Variants in ANKRD30B observed in about 807,000 individuals in gnomAD.
The protein encoded by ANKRD30B is ankyrin repeat domain-containing protein 30B.
A neutral mutation model predicts 202.2 loss-of-function variants in ANKRD30B; 144 were observed. The ratio of observed to expected loss-of-function variants is 0.71; its 90% CI spans 0.62 to 0.82. The LOEUF (loss-of-function observed/expected upper bound fraction) is 0.82. Among genes scored for constraint, ANKRD30B ranks in the 40% least tolerant of loss-of-function variants. The pLI, the probability that ANKRD30B is intolerant of heterozygous loss-of-function variation, is 0.00. For missense variants in ANKRD30B, 1,487 were observed against 1,669.1 expected (o/e 0.89, Z 1.90); for synonymous variants, 508 against 561.3 (o/e 0.91, Z 1.34).
the ANKRD30B span, among the ~76,000 whole-genome samples, chr18:14,860,412 C>T: frequency 3.1e-4 from 33 of 107,376 alleles, no homozygotes; most frequent in South Asian, 6.8e-4. Flanking sequence ...CGCTCCTCAC[C>T]TCCCAGATGG....
chr18:14,751,370 A>G (rs1209868654), intron 1 of ANKRD30B, among the ~76,000 whole-genome samples: 3 of 152,106 alleles, frequency 2.0e-5, no homozygotes, highest in Non-Finnish European at 4.4e-5. Context: ...GATACATTCT[A>G]TTAACTCTCA....
intron 28 of ANKRD30B, 39 bp downstream of exon 28, chr18:14,810,219 A>C: frequency 8.3e-7 from 1 of 1,199,316 alleles, no homozygotes; most frequent in Admixed American, 2.6e-5. Flanking sequence ...GGAATTAAGA[A>C]TATTAAACTA....
At position 14,850,503 on chromosome 18, in the gene ANKRD30B, A is replaced by C. The variant is rs115457789; in HGVS notation, c.3564+121A>C. ...TAAATCAAAGAAAAGTATTGTCTTA[A>C]AATTAACTATGACTTTTGTAGCTAC... On this transcript the variant is annotated intron_variant, in intron 41 of 43. Coordinates refer to ENST00000690538, the MANE Select transcript of ANKRD30B (RefSeq NM_001367607.2). 542 of 1,052,940 alleles carry C rather than the reference A, an allele frequency of 5.1e-4. 5 individuals carry two copies. In the African/African-American group the frequency reaches 8.5e-3, roughly 16 times the overall value. The allele number at this position is 1,052,940 out of a possible 1,614,324, so 65.2% of individuals were successfully genotyped here.
chr18:14,784,296 A>G, intron 12 of ANKRD30B, 40 bp from the exon 13 acceptor site: 1 of 1,598,396 alleles, frequency 6.3e-7, no homozygotes, highest in Non-Finnish European at 8.6e-7. Flanking sequence ...GCTTTGTCAT[A>G]TTTACTTATG....
intron 43 of ANKRD30B, among the ~76,000 whole-genome samples, 108 bp downstream of exon 43, chr18:14,854,051 T>C (rs1971992410): frequency 6.6e-6 from 1 of 152,224 alleles, no homozygotes; most frequent in Non-Finnish European, 1.5e-5. Flanking sequence ...ATATAAATTG[T>C]TTTATGATAC....
At chr18:14,832,196 C>G (rs1367679516) in intron 34 of ANKRD30B, among the ~76,000 whole-genome samples, 1 of 152,100 alleles carries the variant, frequency 6.6e-6, no homozygotes, top group Non-Finnish European at 1.5e-5. Context: ...GACCTTATCT[C>G]TAATTTTGAA....
chr18:14,919,841 A>G, the ANKRD30B span, among the ~76,000 whole-genome samples: 1 of 152,208 alleles, frequency 6.6e-6, no homozygotes. Flanking sequence ...TAAATGTTTA[A>G]AAACGTTCTG....
Position 14,784,363 on chromosome 18 carries a change from A to G in ANKRD30B, c.1598A>G (p.Lys533Arg), listed in dbSNP as rs563934770. Residue 533 changes from lysine to arginine, a missense_variant and splice_region_variant, in exon 13 of 44, where the codon AAG becomes AGG. Physicochemically the swap from Lys to Arg is conservative, Grantham distance 26. Coordinates refer to ENST00000690538, the MANE Select transcript of ANKRD30B (RefSeq NM_001367607.2). ...EELPEKPSAF[K>R]PAVEMQKTVP... The stretch of plus-strand genomic sequence containing the variant: ...CTTCCTGAGAAGCCATCTGCCTTCA[A>G]GGTATTTAGTTTTATGGTTTCATTT... 1 of 1,612,886 alleles carries G rather than the reference A, an allele frequency of 6.2e-7. No homozygotes were observed. Among genetic ancestry groups the G allele is most frequent in the East Asian group, 2.2e-5 (1 of 44,714 alleles).
chr18:14,847,956 T>C (rs1311353174), intron 39 of ANKRD30B, among the ~76,000 whole-genome samples: 1 of 152,114 alleles, frequency 6.6e-6, no homozygotes, highest in Non-Finnish European at 1.5e-5. Context: ...GGTTTCTTGC[T>C]TTTGCTTCTG....
the ANKRD30B span, among the ~76,000 whole-genome samples, chr18:14,916,351 G>A: frequency 6.6e-6 from 1 of 152,178 alleles, no homozygotes; most frequent in Admixed American, 6.5e-5. Flanking sequence ...TCTGCATCTG[G>A]GATCTGGAGG....
the ANKRD30B span, among the ~76,000 whole-genome samples, chr18:14,865,397 A>C: frequency 7.3e-6 from 1 of 136,180 alleles, no homozygotes; most frequent in African/African-American, 2.8e-5. Flanking sequence ...TCCCCCCTCC[A>C]TCTACTCAAA....
At position 14,803,695 on chromosome 18, in the gene ANKRD30B, T is replaced by A. The variant is rs373036581; in HGVS notation, c.2194-39T>A. On this transcript the variant is annotated intron_variant, in intron 23 of 43. Transcript: ENST00000690538. The stretch of plus-strand genomic sequence containing the variant: ...TTTTGATACTCCTCATTATTGGGAT[T>A]TCTCCATTGAAATTATTTATTGATA... The A allele has an allele frequency of 5.2e-5, 80 of 1,537,998 alleles. 2 individuals are homozygous for A. The highest frequency in any genetic ancestry group is 3.5e-4 in the Admixed American group (18 of 51,626).
intron 32 of ANKRD30B, chr18:14,825,142 A>G (rs1023673458): frequency 3.9e-5 from 6 of 152,186 alleles, no homozygotes; most frequent in Admixed American, 6.5e-5. Flanking sequence ...GCAGGCACCA[A>G]TGACTTACTC....
At position 14,851,785 on chromosome 18, in the gene ANKRD30B, T is replaced by C. The variant is rs563764694; in HGVS notation, c.3841T>C (p.Leu1281=). 3 of 1,573,472 alleles carry C rather than the reference T, an allele frequency of 1.9e-6. No homozygotes were observed. The highest frequency in any genetic ancestry group is 1.8e-5 in the Admixed American group (1 of 56,414). The change falls in exon 42 of 44, where the codon TTG becomes CTG. Residue 1281 remains leucine, a synonymous_variant. Coordinates refer to ENST00000690538, the MANE Select transcript of ANKRD30B (RefSeq NM_001367607.2). ...AGAGAACACGATGCTGACTTCTAAA[T>C]TGAAGGAAAAACAAGACAAAGAAAT... is the stretch of plus-strand genomic sequence containing the variant. The part of the protein sequence containing the change: ...TAENTMLTSK[L]KEKQDKEILE...
chr18:14,751,862 G>A (rs1003104026), intron 1 of ANKRD30B, among the ~76,000 whole-genome samples: 4 of 107,276 alleles, frequency 3.7e-5, no homozygotes, highest in South Asian at 6.5e-4. Flanking sequence ...TGTATATACC[G>A]TATTCCACTT....
At chr18:14,842,873 T>A (rs761385819) in intron 37 of ANKRD30B, 24 bp from the exon 38 acceptor site, 1 of 1,544,504 alleles carries the variant, frequency 6.5e-7, no homozygotes, top group South Asian at 1.2e-5. Flanking sequence ...TTATGACTGA[T>A]AATAAATCTC....
the ANKRD30B span, among the ~76,000 whole-genome samples, chr18:14,914,262 C>T: frequency 6.6e-6 from 1 of 152,150 alleles, no homozygotes; most frequent in Admixed American, 6.5e-5. Flanking sequence ...TGCTTTGTTC[C>T]ATGGCCTAGC....
At chr18:14,913,381 G>A in the ANKRD30B span, among the ~76,000 whole-genome samples, 2 of 152,174 alleles carry the variant, frequency 1.3e-5, no homozygotes, top group African/African-American at 2.4e-5. Context: ...CTGGTTTGGG[G>A]AGAATTGTAT....
At chr18:14,867,527 C>T in the ANKRD30B span, among the ~76,000 whole-genome samples, 240 of 151,256 alleles carry the variant, frequency 1.6e-3, 1 homozygote, top group Middle Eastern at 0.014. Context: ...GCAGGGCCTT[C>T]GCACCCACCA....
Sources: gnomAD v4.1 joint callset for allele counts (sites outside exome capture counted in the v4.1 genomes callset) on GRCh38, gnomAD v4.1.1 for gene constraint, MANE v1.5 for transcripts, NCBI Gene and HGNC (gene_info 2026-07-23, HGNC 2026-07-21) for gene names.